Variants in WNT7B observed in about 807,000 individuals in gnomAD.
WNT7B encodes Wnt family member 7B.
Under a neutral mutation model 38.2 loss-of-function variants are expected in WNT7B, and 19 were observed. That is an observed-to-expected ratio of 0.50 (90% CI 0.35 to 0.73). The LOEUF (loss-of-function observed/expected upper bound fraction) is 0.73, where lower values mean the gene tolerates loss of function less well. Ranked by LOEUF, WNT7B falls within the 30% of genes least tolerant of loss-of-function variation. WNT7B has a pLI of 0.01. For synonymous variants in WNT7B, 243 were observed against 209.3 expected, an observed-to-expected ratio of 1.16 and a Z score of -1.39; for missense variants, 423 against 507.9, an observed-to-expected ratio of 0.83 and a Z score of 1.61.
At position 45,965,713 on chromosome 22, in the gene WNT7B, G is replaced by A. The variant is rs542921983; in HGVS notation, c.71+10971C>T. Among the ~76,000 whole-genome samples, 13 of 152,292 alleles carry A rather than the reference G, an allele frequency of 8.5e-5. No homozygotes were observed. The East Asian group carries it at 2.1e-3, about 25-fold the overall frequency. ...CAAGACCCAGAACAGAAGGCCTCTG[G>A]GCTTCCCATACCCGCAGGACAGCTG... On this transcript the variant is annotated intron_variant, in intron 1 of 3. Coordinates refer to ENST00000339464, the MANE Select transcript of WNT7B (RefSeq NM_058238.3). The surrounding 1 kb of genome is among the most constrained non-coding windows in gnomAD (Gnocchi z 6.5).
At chr22:45,926,357 C>T in intron 3 of WNT7B, 1 of 985,394 alleles carries the variant, frequency 1.0e-6, no homozygotes, top group South Asian at 4.7e-5. Flanking sequence ...CTCCTCCAGG[C>T]CTTGGTTCCT....
intron 2 of WNT7B, among the ~76,000 whole-genome samples, chr22:45,946,884 G>A (rs1931809899): frequency 6.6e-6 from 1 of 152,240 alleles, no homozygotes; most frequent in Non-Finnish European, 1.5e-5. Context: ...TCGAGATTTA[G>A]GCACAGCCCA....
chr22:45,931,536 G>T (rs1046752680), intron 2 of WNT7B, among the ~76,000 whole-genome samples, 167 bp from the exon 3 acceptor site: 1 of 152,176 alleles, frequency 6.6e-6, no homozygotes, highest in Non-Finnish European at 1.5e-5. Context: ...GGGCTGATGG[G>T]AGCCATCTCT....
In WNT7B at chr22:45,951,511, C is replaced by T. The variant is rs73446530; in HGVS notation, c.72-1365G>A. On this transcript the variant is annotated intron_variant, in intron 1 of 3. Transcript: ENST00000339464. This position sits in a 1 kb window ranked among gnomAD's most constrained non-coding sequence, Gnocchi z 4.8. ...GTCAGGTTCCCAGATATTTCTGCCACCCCAGAAGGAAACTGTACCCATCAG... is the reference window on the plus strand; with the variant it reads ...GTCAGGTTCCCAGATATTTCTGCCATCCCAGAAGGAAACTGTACCCATCAG... Among the ~76,000 whole-genome samples, 2,289 of 151,992 alleles carry T rather than the reference C, an allele frequency of 0.015. 68 individuals carry two copies. Among genetic ancestry groups the T allele is most frequent in the African/African-American group, 0.053 (2,215 of 41,526 alleles).
chr22:45,927,794 G>T (rs1331472642), intron 3 of WNT7B, among the ~76,000 whole-genome samples: 2 of 152,268 alleles, frequency 1.3e-5, no homozygotes, highest in African/African-American at 4.8e-5. Context: ...TATTCGGGAG[G>T]CTGAGGCAGG....
chr22:45,958,199 G>A (rs1932116215), intron 1 of WNT7B, among the ~76,000 whole-genome samples: 2 of 152,166 alleles, frequency 1.3e-5, no homozygotes, highest in Non-Finnish European at 2.9e-5. Context: ...GTTGTGGGAC[G>A]TGGCCCCTCT....
chr22:45,974,738 GTGC>G (rs1407446812), intron 1 of WNT7B, among the ~76,000 whole-genome samples: 1 of 152,176 alleles, frequency 6.6e-6, no homozygotes, highest in Non-Finnish European at 1.5e-5. Flanking sequence ...GCTGACACAG[GTGC>G]CCGGGGCTCA....
At chr22:45,962,703 T>C (rs74433618) in intron 1 of WNT7B, among the ~76,000 whole-genome samples, 5,157 of 152,330 alleles carry the variant, frequency 0.034, 290 homozygotes, top group African/African-American at 0.12. Flanking sequence ...CACCCAGAGA[T>C]GCCACAGCAC....
chr22:45,953,255 C>T (rs866246084), intron 1 of WNT7B, among the ~76,000 whole-genome samples: 1 of 106,600 alleles, frequency 9.4e-6, no homozygotes, highest in Non-Finnish European at 2.1e-5. Flanking sequence ...ACCGTGTCCT[C>T]GGCTTCCCCT....
In WNT7B at chr22:45,930,602, G is replaced by A. The variant is rs111908154; in HGVS notation, c.570+496C>T. On this transcript the variant is annotated intron_variant, in intron 3 of 3. Transcript: ENST00000339464. ...CTCCGTCCCGCCCCATGCAGGAGCGGCCTGCTCCCCAGCAGCCCCCGGCTC... is the reference window on the plus strand; with the variant it reads ...CTCCGTCCCGCCCCATGCAGGAGCGACCTGCTCCCCAGCAGCCCCCGGCTC... Among the ~76,000 whole-genome samples, 296 of 152,310 alleles carry A rather than the reference G, an allele frequency of 1.9e-3. 3 individuals carry two copies. In the South Asian group the frequency reaches 0.024, roughly 12 times the overall value.
intron 1 of WNT7B, among the ~76,000 whole-genome samples, chr22:45,950,828 T>C (rs1931915577): frequency 6.6e-6 from 1 of 152,232 alleles, no homozygotes; most frequent in African/African-American, 2.4e-5. Context: ...GTTGCTGTTT[T>C]CTCTCCTGTC....
intron 3 of WNT7B, among the ~76,000 whole-genome samples, chr22:45,927,862 C>G (rs892481899): frequency 2.0e-5 from 3 of 152,228 alleles, no homozygotes; most frequent in Non-Finnish European, 4.4e-5. Context: ...GGCCACTGCA[C>G]TCCAGCCTCA....
At chr22:45,924,003 G>A (rs74363652) in intron 3 of WNT7B, among the ~76,000 whole-genome samples, 1 of 152,216 alleles carries the variant, frequency 6.6e-6, no homozygotes, top group African/African-American at 2.4e-5. Context: ...GTGCAGCCGA[G>A]TGTTTTCCTT....
At chr22:45,934,491 G>A (rs1001373108) in intron 2 of WNT7B, among the ~76,000 whole-genome samples, 1 of 152,144 alleles carries the variant, frequency 6.6e-6, no homozygotes, top group South Asian at 2.1e-4. Flanking sequence ...GGGCCCAGCC[G>A]GTGGACCTTG....
chr22:45,941,489 T>C (rs1601725347), intron 2 of WNT7B, among the ~76,000 whole-genome samples: 1 of 137,146 alleles, frequency 7.3e-6, no homozygotes, highest in Admixed American at 7.8e-5. Flanking sequence ...CCAGCCTGGG[T>C]GACACTCCAG....
chr22:45,960,839 G>A (rs1233761730), intron 1 of WNT7B, among the ~76,000 whole-genome samples: 4 of 152,338 alleles, frequency 2.6e-5, no homozygotes, highest in South Asian at 2.1e-4. Flanking sequence ...GGGTTGGCCC[G>A]GAACTTTCCA....
intron 1 of WNT7B, among the ~76,000 whole-genome samples, chr22:45,962,166 TG>T (rs1932212726): frequency 6.7e-6 from 1 of 149,552 alleles, no homozygotes; most frequent in South Asian, 2.1e-4. Flanking sequence ...GGTGAAGAGC[TG>T]GGGGCCCCAG....
intron 2 of WNT7B, among the ~76,000 whole-genome samples, chr22:45,947,386 T>C (rs1323769676): frequency 6.6e-6 from 1 of 152,186 alleles, no homozygotes; most frequent in Non-Finnish European, 1.5e-5. Context: ...AAGCAGACCA[T>C]GCTGCAGCCA....
intron 2 of WNT7B, among the ~76,000 whole-genome samples, chr22:45,949,688 A>T (rs1349333826): frequency 6.6e-6 from 1 of 152,236 alleles, no homozygotes; most frequent in African/African-American, 2.4e-5. Context: ...GCCCCGAGCA[A>T]GGACCTTCAT....
Sources: allele counts gnomAD v4.1 joint callset (sites outside exome capture counted in the v4.1 genomes callset), GRCh38; gene constraint gnomAD v4.1.1; non-coding constraint Gnocchi (gnomAD v3.1); transcripts MANE v1.5; gene names NCBI Gene and HGNC (gene_info 2026-07-23, HGNC 2026-07-21).